The following YAP1 variants were observed in gnomAD, a reference collection of about 807,000 sequenced individuals.
YAP1 encodes the protein Yes1 associated transcriptional regulator, also known as transcriptional coactivator YAP1.
YAP1 carries 5 observed loss-of-function variants against 56.9 expected under a neutral mutation model. The observed-to-expected ratio is 0.09, with a 90% CI of 0.05 to 0.18. YAP1 has a LOEUF of 0.18. YAP1 is among the 10% of genes least tolerant of loss of function. The pLI, the probability that YAP1 is intolerant of heterozygous loss-of-function variation, is 1.00. For missense variants in YAP1, 539 were observed against 651.8 expected (o/e 0.83, Z 1.88); for synonymous variants, 265 against 248.1 (o/e 1.07, Z -0.64).
chr11:102,121,840 A>T (rs1395914822), intron 2 of YAP1, among the ~76,000 whole-genome samples: 1 of 152,164 alleles, frequency 6.6e-6, no homozygotes, highest in Non-Finnish European at 1.5e-5. Context: ...TCTGTCACCC[A>T]GACTTGGAGT....
At chr11:102,207,849 T>C (rs1311034949) in intron 5 of YAP1, among the ~76,000 whole-genome samples, 1 of 152,212 alleles carries the variant, frequency 6.6e-6, no homozygotes, top group African/African-American at 2.4e-5. Flanking sequence ...CAACATACGA[T>C]GTCAGGAACT....
intron 2 of YAP1, among the ~76,000 whole-genome samples, chr11:102,143,099 AC>A (rs1945112418): frequency 6.6e-6 from 1 of 152,006 alleles, no homozygotes; most frequent in Admixed American, 6.6e-5. Context: ...AGTTTCTGTG[AC>A]CCTATGGCTG....
chr11:102,126,905 C>G (rs756651112), intron 2 of YAP1, among the ~76,000 whole-genome samples: 17 of 152,134 alleles, frequency 1.1e-4, no homozygotes, highest in Non-Finnish European at 2.1e-4. Flanking sequence ...GGAACTGGAC[C>G]AGAGGTGACT....
rs1415863890 is a variant in YAP1, at chr11:102,231,262, T to C, written c.*1322T>C. 1 of 152,252 alleles carries C rather than the reference T, an allele frequency of 6.6e-6. No individual in the cohort carries two copies. Among genetic ancestry groups the C allele is most frequent in the Non-Finnish European group, 1.5e-5 (1 of 68,040 alleles). The allele number at this position is 152,252 out of a possible 1,614,324, so 9.4% of individuals were successfully genotyped here. A position where few individuals can be genotyped will look rare whatever the true frequency, so the allele number is the denominator to read the frequency against. On this transcript the variant is annotated 3_prime_UTR_variant, in exon 9 of 9. Coordinates refer to ENST00000282441, the MANE Select transcript of YAP1 (RefSeq NM_001130145.3). ...TGCATGACAGAAATAAGCTTTATAG[T>C]GGTTTACCTTCATTTAGCTTTGGAA...
chr11:102,176,091 TC>T (rs1034717791), intron 3 of YAP1, among the ~76,000 whole-genome samples: 2 of 152,206 alleles, frequency 1.3e-5, no homozygotes, highest in African/African-American at 4.8e-5. Context: ...ACATTTTAGT[TC>T]CTGTTTATTT....
chr11:102,201,964 A>G (rs1041973875), intron 4 of YAP1, among the ~76,000 whole-genome samples: 4 of 152,072 alleles, frequency 2.6e-5, no homozygotes, highest in Admixed American at 6.6e-5. Flanking sequence ...TGTGCCTAAA[A>G]GCAAACAAGG....
chr11:102,210,838 C>T (rs985981003), intron 6 of YAP1, among the ~76,000 whole-genome samples: 20 of 151,210 alleles, frequency 1.3e-4, no homozygotes, highest in African/African-American at 1.7e-4. Flanking sequence ...CTGCAAGCTC[C>T]GCCTTCCGGG....
chr11:102,128,274 G>A (rs934196713), intron 2 of YAP1, among the ~76,000 whole-genome samples: 13 of 152,126 alleles, frequency 8.5e-5, no homozygotes, highest in Admixed American at 7.2e-4. Flanking sequence ...GAATTCCCAC[G>A]TGTTGTGGGA....
chr11:102,117,242 T>C (rs1346128982), intron 2 of YAP1, among the ~76,000 whole-genome samples: 1 of 152,238 alleles, frequency 6.6e-6, no homozygotes, highest in Non-Finnish European at 1.5e-5. Context: ...AATCAATATT[T>C]ATATACTTTC....
chr11:102,182,785 A>G (rs73582084), intron 3 of YAP1, among the ~76,000 whole-genome samples: 2,171 of 152,136 alleles, frequency 0.014, 68 homozygotes, highest in African/African-American at 0.049. Flanking sequence ...AAAGTATCCT[A>G]TTTTGGGCCA....
rs148548892 is a variant in YAP1 at position 102,229,492 on chromosome 11, T to A, written c.1277-210T>A. ...GCACATAATAGCAATCAAGCTGTTATTGGATATCTGAACAATGTTGAAGCA... is the reference window on the plus strand; with the variant it reads ...GCACATAATAGCAATCAAGCTGTTAATGGATATCTGAACAATGTTGAAGCA... On this transcript the variant is annotated intron_variant, in intron 8 of 8. Coordinates refer to ENST00000282441, the MANE Select transcript of YAP1 (RefSeq NM_001130145.3). 6.8e-4 allele frequency among the ~76,000 whole-genome samples: 103 copies of A among 152,316 alleles called. 1 individual carries two copies. The Middle Eastern group carries it at 0.01, about 15-fold the overall frequency.
chr11:102,178,215 G>A (rs1591329700), intron 3 of YAP1, among the ~76,000 whole-genome samples: 1 of 152,290 alleles, frequency 6.6e-6, no homozygotes, highest in East Asian at 1.9e-4. Context: ...TTCAAAACAA[G>A]CAGCAGGCAG....
chr11:102,167,076 A>G (rs1453731789), intron 3 of YAP1, among the ~76,000 whole-genome samples: 1 of 152,240 alleles, frequency 6.6e-6, no homozygotes, highest in African/African-American at 2.4e-5. Context: ...TTGAAATGGT[A>G]GATACTACAT....
chr11:102,169,508 C>T (rs375270658), intron 3 of YAP1, among the ~76,000 whole-genome samples: 1 of 152,156 alleles, frequency 6.6e-6, no homozygotes, highest in Non-Finnish European at 1.5e-5. Context: ...ACTATACTAA[C>T]GGGAAACCTA....
At chr11:102,111,226 G>A (rs1169000030) in intron 1 of YAP1, 57 bp downstream of exon 1, 3 of 1,594,962 alleles carry the variant, frequency 1.9e-6, no homozygotes, top group African/African-American at 1.3e-5. Context: ...GACCGGGGGG[G>A]CGCTCGGGAG....
rs376161041 is a variant in YAP1 at position 102,162,563 on chromosome 11, C to T, written c.680C>T (p.Ser227Leu). ...CCAGTGCAGCAGAATATGATGAACTCGGCTTCAGGTGAGTGAGACACTGTA... is the reference window on the plus strand; with the variant it reads ...CCAGTGCAGCAGAATATGATGAACTTGGCTTCAGGTGAGTGAGACACTGTA... ...SPPVQQNMMN[S>L]ASGPLPDGWE... The change falls in exon 3 of 9, where the codon TCG becomes TTG. Residue 227 changes from serine to leucine, a missense_variant. Coordinates refer to ENST00000282441, the MANE Select transcript of YAP1 (RefSeq NM_001130145.3). 56 of 1,613,936 alleles carry T rather than the reference C, an allele frequency of 3.5e-5. No homozygotes were observed. Among genetic ancestry groups the T allele is most frequent in the South Asian group, 2.2e-4 (20 of 91,074 alleles).
chr11:102,111,002 C>T lies in YAP1; in HGVS notation c.154C>T (p.His52Tyr). 6.3e-7 allele frequency: 1 copy of T among 1,578,974 alleles called. No individual in the cohort carries two copies. Residue 52 changes from histidine to tyrosine, a missense_variant, in exon 1 of 9, where the codon CAT (histidine) becomes TAT (tyrosine). This residue lies in a region of YAP1 where 106 missense variants were observed against 86.6 expected (regional missense o/e 1.22). Transcript: ENST00000282441. The stretch of plus-strand genomic sequence containing the variant: ...GGCGCCGCAGGCACCCCCCGCCGGG[C>T]ATCAGATCGTGCACGTCCGCGGGGA... ...QAAPQAPPAGHQIVHVRGDSE... is the reference protein window; with the variant it reads ...QAAPQAPPAGYQIVHVRGDSE...
chr11:102,168,309 T>C (rs1946719493), intron 3 of YAP1, among the ~76,000 whole-genome samples: 1 of 152,186 alleles, frequency 6.6e-6, no homozygotes, highest in Admixed American at 6.5e-5. Context: ...AAAGTCAAAG[T>C]ATATTCTGTG....
chr11:102,187,748 T>C (rs1192833842), intron 4 of YAP1, among the ~76,000 whole-genome samples: 1 of 152,192 alleles, frequency 6.6e-6, no homozygotes, highest in Non-Finnish European at 1.5e-5. Context: ...AGTAGACTAT[T>C]GATTACACAC....
Sources: gnomAD v4.1 joint callset for allele counts (sites outside exome capture counted in the v4.1 genomes callset) on GRCh38, gnomAD v4.1.1 for gene constraint, gnomAD v4.1.1 regional missense constraint, MANE v1.5 for transcripts, NCBI Gene and HGNC (gene_info 2026-07-23, HGNC 2026-07-21) for gene names.